The following MYB variants were observed in gnomAD, a reference collection of about 807,000 sequenced individuals.
MYB encodes the protein transcriptional activator Myb.
In MYB, 28 loss-of-function variants were observed where a neutral mutation model predicts 92.9. The ratio of observed to expected loss-of-function variants is 0.30; its 90% confidence interval spans 0.22 to 0.41. The LOEUF is 0.41. MYB is among the 10% of genes least tolerant of loss of function. The pLI is 1.00. For missense variants in MYB, 679 were observed against 929.3 expected (o/e 0.73, Z 3.50); for synonymous variants, 295 against 329.1 (o/e 0.90, Z 1.12).
At chr6:135,185,846 A>G in intron 1 of MYB, 57 bp from the exon 2 acceptor site, 1 of 1,329,042 alleles carries the variant, frequency 7.5e-7, no homozygotes, top group Non-Finnish European at 1.1e-6. Flanking sequence ...TTTGTAATCC[A>G]GTAGTAGTCT....
chr6:135,194,774 C>CA (rs1777070943), intron 8 of MYB: 12 of 629,598 alleles, frequency 1.9e-5, no homozygotes, highest in Non-Finnish European at 2.8e-5. Context: ...TCTGCATTTT[C>CA]TACAGAGCTA....
At chr6:135,183,531 T>C (rs1440101005) in intron 1 of MYB, among the ~76,000 whole-genome samples, 4 of 152,194 alleles carry the variant, frequency 2.6e-5, no homozygotes, top group Non-Finnish European at 5.9e-5. Flanking sequence ...CCTCTGACTG[T>C]TGGGTCTGAG....
At position 135,218,560 on chromosome 6, in the gene MYB, A is replaced by C. The variant is rs554544217; in HGVS notation, c.*580A>C. The C allele has an allele frequency of 5.5e-6, 1 of 181,940 alleles. No homozygotes were observed. The highest frequency in any genetic ancestry group is 9.0e-5 in the East Asian group (1 of 11,058). The allele number at this position is 181,940 out of a possible 1,614,324, so 11.3% of individuals were successfully genotyped here. A position where few individuals can be genotyped will look rare whatever the true frequency, so the allele number is the denominator to read the frequency against. ...GCTTGCTTTAAAAATTATTACTGTA[A>C]GAAATAGTTTTATAAAAAATTATAT... On this transcript the variant is annotated 3_prime_UTR_variant, in exon 16 of 16. Coordinates refer to ENST00000341911, the MANE Select transcript of MYB (RefSeq NM_001130173.2).
At chr6:135,202,645 G>T in intron 14 of MYB, 1 of 253,914 alleles carries the variant, frequency 3.9e-6, no homozygotes, top group Non-Finnish European at 7.8e-6. Context: ...TAGGATTACA[G>T]GCGTGAGCCA....
intron 1 of MYB, among the ~76,000 whole-genome samples, chr6:135,184,958 A>G (rs1423556514): frequency 6.6e-6 from 1 of 152,250 alleles, no homozygotes; most frequent in Non-Finnish European, 1.5e-5. Flanking sequence ...AACAGTAAGC[A>G]TATAGTTACT....
At chr6:135,214,454 C>T (rs1347529728) in intron 15 of MYB, among the ~76,000 whole-genome samples, 1 of 152,070 alleles carries the variant, frequency 6.6e-6, no homozygotes, top group African/African-American at 2.4e-5. Context: ...TTCCCCTTCC[C>T]CTCCATTTGT....
intron 6 of MYB, among the ~76,000 whole-genome samples, chr6:135,193,175 G>C (rs1776848043): frequency 6.6e-6 from 1 of 151,936 alleles, no homozygotes; most frequent in South Asian, 2.1e-4. Flanking sequence ...CTTATTTCTA[G>C]ATATTTATAT....
chr6:135,201,934 T>TC (rs1177503160), intron 14 of MYB, among the ~76,000 whole-genome samples, 185 bp downstream of exon 14: 23 of 152,364 alleles, frequency 1.5e-4, no homozygotes, highest in African/African-American at 5.0e-4. Context: ...TGAGATTTTT[T>TC]CATGTATTAG....
chr6:135,203,008 G>A (rs1014682062), intron 14 of MYB: 15 of 702,086 alleles, frequency 2.1e-5, no homozygotes, highest in Non-Finnish European at 3.9e-5. Context: ...GCTTTGTGTT[G>A]TGGTGATGTT....
rs1179631988 is a variant in MYB at position 135,181,401 on chromosome 6, T to C, written c.-113T>C. On this transcript the variant is annotated 5_prime_UTR_variant, in exon 1 of 16. Coordinates refer to ENST00000341911, the MANE Select transcript of MYB (RefSeq NM_001130173.2). This position sits in a 1 kb window ranked among gnomAD's most constrained non-coding sequence, Gnocchi z 5.3. ...CTCCTGAGAAACTTCGCCCCAGCGG[T>C]GCGGAGCGCCGCTGCGCAGCCGGGG... is the stretch of plus-strand genomic sequence containing the variant. 1.5e-6 allele frequency: 1 copy of C among 673,144 alleles called. No homozygotes were observed. Among genetic ancestry groups the C allele is most frequent in the Non-Finnish European group, 1.9e-6 (1 of 522,242 alleles). 41.7% of individuals were successfully genotyped at this position (673,144 alleles called of 1,614,324 possible).
At chr6:135,189,983 AAGT>A in intron 4 of MYB, 100 bp downstream of exon 4, 1 of 1,411,288 alleles carries the variant, frequency 7.1e-7, no homozygotes, top group South Asian at 1.3e-5. Flanking sequence ...GGCAAACAGG[AAGT>A]AGAGGACTCT....
intron 2 of MYB, among the ~76,000 whole-genome samples, chr6:135,187,314 A>C (rs1054198065): frequency 2.0e-5 from 3 of 152,212 alleles, no homozygotes; most frequent in African/African-American, 7.2e-5. Flanking sequence ...ATAAAAAGTT[A>C]AACTAACTGG....
chr6:135,200,983 GC>G (rs1176779017), intron 13 of MYB, among the ~76,000 whole-genome samples: 1 of 152,114 alleles, frequency 6.6e-6, no homozygotes, highest in East Asian at 1.9e-4. Context: ...GGAGTCTGAA[GC>G]AGGATTATGG....
At chr6:135,184,072 T>C (rs529995200) in intron 1 of MYB, among the ~76,000 whole-genome samples, 106 of 152,296 alleles carry the variant, frequency 7.0e-4, no homozygotes, top group Non-Finnish European at 1.2e-3. Flanking sequence ...GTTCCTGGGT[T>C]GTTAAACCGC....
Position 135,206,225 on chromosome 6 carries a change from A to ATAATAAT in MYB, c.2169+2901_2169+2902insTAATAAT, listed in dbSNP as rs1436368141. On this transcript the variant is annotated intron_variant, in intron 15 of 15. Transcript: ENST00000341911. ...CATCTCAAAAAAAAAAAAAAAAAAA[A>ATAATAAT]AATAATAATAATAATAATAATAATT... 8.9e-4 allele frequency among the ~76,000 whole-genome samples: 86 copies of ATAATAAT among 96,650 alleles called. 1 individual carries two copies. Among genetic ancestry groups the ATAATAAT allele is most frequent in the African/African-American group, 3.4e-3 (83 of 24,176 alleles). The allele number at this position is 96,650 out of a possible 152,430, so 63.4% of individuals were successfully genotyped here. A position where few individuals can be genotyped will look rare whatever the true frequency, so the allele number is the denominator to read the frequency against.
At chr6:135,212,262 T>TTTTTTTTTC (rs1779844072) in intron 15 of MYB, among the ~76,000 whole-genome samples, 1 of 133,164 alleles carries the variant, frequency 7.5e-6, no homozygotes, top group African/African-American at 3.0e-5. Context: ...TTTTTTAGTT[T>TTTTTTTTTC]ATACAAGTTT....
intron 14 of MYB, 35 bp downstream of exon 14, chr6:135,201,784 G>A (rs762406609): frequency 7.8e-7 from 1 of 1,283,172 alleles, no homozygotes; most frequent in East Asian, 2.6e-5. Context: ...AAGTTGTTAT[G>A]TGACACTGGT....
chr6:135,195,063 A>T (rs1219198138), intron 8 of MYB: 5 of 1,313,150 alleles, frequency 3.8e-6, no homozygotes, highest in Non-Finnish European at 5.0e-6. Context: ...CAAAGACAAT[A>T]AAAGAGAAGT....
At chr6:135,200,450 G>A in intron 13 of MYB, 35 bp downstream of exon 13, 3 of 1,613,162 alleles carry the variant, frequency 1.9e-6, no homozygotes, top group Non-Finnish European at 2.5e-6. Flanking sequence ...AACAAGCTGA[G>A]AATCCTGCCC....
Sources: gnomAD v4.1 joint callset for allele counts (sites outside exome capture counted in the v4.1 genomes callset) on GRCh38, gnomAD v4.1.1 for gene constraint, Gnocchi (gnomAD v3.1) non-coding constraint, MANE v1.5 for transcripts, NCBI Gene and HGNC (gene_info 2026-07-23, HGNC 2026-07-21) for gene names.